LINGO2: variants seen among roughly 807,000 people sequenced by gnomAD.
LINGO2 encodes leucine rich repeat and Ig domain containing 2, also known as leucine-rich repeat and immunoglobulin-like domain-containing nogo receptor-interacting protein 2.
In LINGO2, 14 loss-of-function variants were observed where a neutral mutation model predicts 30.6. That is an observed-to-expected ratio of 0.46 (90% CI 0.30 to 0.72). LINGO2 has a LOEUF of 0.72. Among genes scored for constraint, LINGO2 ranks in the 30% least tolerant of loss-of-function variants. The pLI is 0.07. For missense variants in LINGO2, 729 were observed against 751.7 expected (o/e 0.97, Z 0.35); for synonymous variants, 317 against 288.5 (o/e 1.10, Z -1.00).
At chr9:28,547,265 A>AT (rs1478688003) in intron 1 of LINGO2, among the ~76,000 whole-genome samples, 9 of 151,994 alleles carry the variant, frequency 5.9e-5, no homozygotes, top group Non-Finnish European at 1.2e-4. Flanking sequence ...CCGTCCTTTC[A>AT]TTTTTTTCAC....
intron 4 of LINGO2, among the ~76,000 whole-genome samples, chr9:28,186,656 C>CA (rs1819552331): frequency 2.0e-5 from 3 of 151,940 alleles, no homozygotes; most frequent in Non-Finnish European, 4.4e-5. Context: ...AGTTAAGAAT[C>CA]AAAAAATGTG....
chr9:29,098,499 C>T, the LINGO2 span, among the ~76,000 whole-genome samples: 1 of 151,336 alleles, frequency 6.6e-6, no homozygotes, highest in African/African-American at 2.4e-5. Context: ...ACACACACAT[C>T]AATGAGGGGT....
chr9:28,937,244 G>A, the LINGO2 span, among the ~76,000 whole-genome samples: 5 of 150,840 alleles, frequency 3.3e-5, no homozygotes, highest in Non-Finnish European at 7.4e-5. Flanking sequence ...TCGACTCCAA[G>A]ATGAAAGTGT....
Position 28,621,071 on chromosome 9 carries a change from C to T in LINGO2, c.-365+49129G>A, listed in dbSNP as rs181920526. On this transcript the variant is annotated intron_variant, in intron 1 of 5. Transcript: ENST00000379992. The stretch of plus-strand genomic sequence containing the variant: ...GTCAAAAACTTTGAAAGAGTTCAAA[C>T]ATTACATCTGTTTAGTACTTCCATT... 3.9e-5 allele frequency among the ~76,000 whole-genome samples: 6 copies of T among 152,122 alleles called. No homozygotes were observed. In the East Asian group the frequency reaches 1.2e-3, roughly 29 times the overall value.
chr9:28,039,054 G>A (rs895862278), intron 4 of LINGO2, among the ~76,000 whole-genome samples: 1 of 152,188 alleles, frequency 6.6e-6, no homozygotes, highest in Non-Finnish European at 1.5e-5. Context: ...GGGAGTAAGG[G>A]GGAGGGAGGA....
intron 4 of LINGO2, among the ~76,000 whole-genome samples, chr9:28,242,433 T>C (rs1260367250): frequency 6.6e-6 from 1 of 151,106 alleles, no homozygotes; most frequent in Non-Finnish European, 1.5e-5. Context: ...AGAAAAAAAA[T>C]AAAAAGGAAA....
the LINGO2 span, among the ~76,000 whole-genome samples, chr9:28,676,957 CACAA>C: frequency 8.5e-5 from 13 of 152,252 alleles, no homozygotes; most frequent in South Asian, 2.1e-4. Flanking sequence ...TTAAATTACA[CACAA>C]ACAAACACAT....
At chr9:28,899,381 A>G in the LINGO2 span, among the ~76,000 whole-genome samples, 1 of 152,096 alleles carries the variant, frequency 6.6e-6, no homozygotes, top group South Asian at 2.1e-4. Context: ...GCCAATCCCC[A>G]TAAACTCTGG....
chr9:28,282,323 G>A (rs73645628), intron 4 of LINGO2, among the ~76,000 whole-genome samples: 2,029 of 152,110 alleles, frequency 0.013, 38 homozygotes, highest in African/African-American at 0.047. Context: ...GATAAGTAAT[G>A]GTGAGACAAT....
rs1415118408 is a variant in LINGO2, at chr9:28,540,241, GCTCTCTCTCTCTTTCTGTCT to G, written c.-364-64236_-364-64217del. Among the ~76,000 whole-genome samples the G allele has an allele frequency of 6.7e-5, 10 of 148,862 alleles. No individual in the cohort carries two copies. In the South Asian group the frequency reaches 1.9e-3, roughly 29 times the overall value. ...TTCATTTTTTTTTTCTTTGAGACAG[GCTCTCTCTCTCTTTCTGTCT>G]CTCTCTCTCTCTCTCCCTCTCTCTC... On this transcript the variant is annotated intron_variant, in intron 1 of 5. Transcript: ENST00000379992.
intron 2 of LINGO2, among the ~76,000 whole-genome samples, chr9:28,446,832 T>A (rs998786970): frequency 6.6e-6 from 1 of 152,206 alleles, no homozygotes; most frequent in African/African-American, 2.4e-5. Flanking sequence ...CCATTCCCTT[T>A]GGGCTAAAAT....
chr9:28,847,726 G>C, the LINGO2 span, among the ~76,000 whole-genome samples: 2 of 130,100 alleles, frequency 1.5e-5, no homozygotes, highest in Non-Finnish European at 3.2e-5. Context: ...CTAATATATA[G>C]TGTCTGTGTA....
At chr9:28,689,548 T>G in the LINGO2 span, among the ~76,000 whole-genome samples, 3 of 151,886 alleles carry the variant, frequency 2.0e-5, no homozygotes, top group Non-Finnish European at 4.4e-5. Flanking sequence ...ATCAAAAAGT[T>G]AAAAAACAAC....
intron 3 of LINGO2, among the ~76,000 whole-genome samples, chr9:28,362,654 G>A (rs1463962713): frequency 1.3e-5 from 2 of 151,954 alleles, no homozygotes; most frequent in African/African-American, 4.8e-5. Flanking sequence ...ATTTTTAGTA[G>A]AGACGGGGTT....
chr9:28,980,314 T>C, the LINGO2 span, among the ~76,000 whole-genome samples: 2 of 152,102 alleles, frequency 1.3e-5, no homozygotes, highest in Non-Finnish European at 2.9e-5. Context: ...TTTATGTCTC[T>C]ATAATCCATT....
At chr9:27,965,741 T>C (rs1820070357) in intron 5 of LINGO2, among the ~76,000 whole-genome samples, 1 of 152,104 alleles carries the variant, frequency 6.6e-6, no homozygotes, top group Non-Finnish European at 1.5e-5. Flanking sequence ...ACATATATAG[T>C]ATGCCTATTC....
chr9:28,006,204 A>G (rs554272091), intron 5 of LINGO2, among the ~76,000 whole-genome samples: 2 of 152,324 alleles, frequency 1.3e-5, no homozygotes, highest in East Asian at 3.9e-4. Flanking sequence ...GCAAACATTT[A>G]TCAGTCAAAA....
At chr9:28,607,816 G>A (rs1825754539) in intron 1 of LINGO2, among the ~76,000 whole-genome samples, 1 of 152,006 alleles carries the variant, frequency 6.6e-6, no homozygotes, top group East Asian at 1.9e-4. Context: ...GGAACAATGT[G>A]ATGGGCCAAC....
intron 1 of LINGO2, among the ~76,000 whole-genome samples, chr9:28,584,638 G>C (rs190127457): frequency 1.3e-5 from 2 of 151,938 alleles, no homozygotes; most frequent in African/African-American, 4.8e-5. Context: ...TAATTATTAA[G>C]GCTCCTGCGA....
Sources: allele counts gnomAD v4.1 joint callset (sites outside exome capture counted in the v4.1 genomes callset), GRCh38; gene constraint gnomAD v4.1.1; transcripts MANE v1.5; gene names NCBI Gene and HGNC (gene_info 2026-07-23, HGNC 2026-07-21).